The following RBMS3 variants were observed in gnomAD, a reference collection of about 807,000 sequenced individuals.
The protein encoded by RBMS3 is RNA binding motif single stranded interacting protein 3, also known as RNA-binding motif, single-stranded-interacting protein 3.
RBMS3 carries 27 observed loss-of-function variants against 66.8 expected under a neutral mutation model. The observed-to-expected ratio is 0.40, with a 90% CI of 0.30 to 0.56. RBMS3 has a LOEUF of 0.56. Among genes scored for constraint, RBMS3 ranks in the 20% least tolerant of loss-of-function variants. The pLI is 0.40. For missense variants in RBMS3, 513 were observed against 549.5 expected (o/e 0.93, Z 0.66); for synonymous variants, 188 against 183.0 (o/e 1.03, Z -0.22).
rs182153627 is a variant in RBMS3 at position 29,749,884 on chromosome 3, C to T, written c.557+10007C>T. Among the ~76,000 whole-genome samples the T allele has an allele frequency of 2.6e-5, 4 of 152,236 alleles. No homozygotes were observed. The East Asian group carries it at 7.7e-4, about 29-fold the overall frequency. On this transcript the variant is annotated intron_variant, in intron 5 of 14. Coordinates refer to ENST00000383767, the MANE Select transcript of RBMS3 (RefSeq NM_001003793.3). ...AAAAAACAAACACATTCTTATTGAA[C>T]TTATGCAAATAACTATATTGCCATA...
intron 1 of RBMS3, among the ~76,000 whole-genome samples, chr3:29,425,148 C>T (rs1482934620): frequency 6.7e-6 from 1 of 148,802 alleles, no homozygotes; most frequent in Admixed American, 6.8e-5. Context: ...TCGAGACCAT[C>T]CTGGCTAACA....
chr3:29,869,715 A>T (rs2059445190), intron 7 of RBMS3, among the ~76,000 whole-genome samples: 1 of 152,136 alleles, frequency 6.6e-6, no homozygotes, highest in African/African-American at 2.4e-5. Context: ...AGCTTCCATG[A>T]GGTCTTTTCA....
chr3:29,550,918 C>T (rs1408822455), intron 3 of RBMS3, among the ~76,000 whole-genome samples: 1 of 152,208 alleles, frequency 6.6e-6, no homozygotes, highest in East Asian at 1.9e-4. Context: ...CTAAGTATAA[C>T]TGCAATGAAG....
intron 1 of RBMS3, among the ~76,000 whole-genome samples, chr3:29,354,530 A>T (rs535023948): frequency 1.3e-5 from 2 of 152,226 alleles, no homozygotes; most frequent in East Asian, 1.9e-4. Context: ...ATAGATATAG[A>T]TATTCTTGAC....
At chr3:29,998,629 A>G (rs1243476941) in intron 14 of RBMS3, among the ~76,000 whole-genome samples, 7 of 152,138 alleles carry the variant, frequency 4.6e-5, no homozygotes, top group Non-Finnish European at 5.9e-5. Flanking sequence ...ACAACTATCT[A>G]ATCTTTGACA....
intron 5 of RBMS3, among the ~76,000 whole-genome samples, chr3:29,758,999 AT>A (rs2055544553): frequency 6.6e-6 from 1 of 152,174 alleles, no homozygotes; most frequent in African/African-American, 2.4e-5. Context: ...TACATGGTTA[AT>A]AATGCTTACT....
intron 6 of RBMS3, among the ~76,000 whole-genome samples, chr3:29,800,031 G>A (rs1365486459): frequency 3.3e-5 from 5 of 152,124 alleles, no homozygotes; most frequent in Non-Finnish European, 7.3e-5. Flanking sequence ...CATAATAGAT[G>A]TACCATGTAT....
At chr3:29,896,273 A>C (rs1250494282) in intron 8 of RBMS3, among the ~76,000 whole-genome samples, 2 of 151,400 alleles carry the variant, frequency 1.3e-5, no homozygotes, top group African/African-American at 4.8e-5. Context: ...TTTCTTAGAA[A>C]GACAACTCAT....
intron 5 of RBMS3, among the ~76,000 whole-genome samples, chr3:29,755,225 A>T (rs565750435): frequency 5.3e-4 from 80 of 152,328 alleles, no homozygotes; most frequent in Non-Finnish European, 7.8e-4. Flanking sequence ...TGGCTAAAAA[A>T]ATATACTTAG....
intron 4 of RBMS3, among the ~76,000 whole-genome samples, chr3:29,605,396 A>C (rs1464555624): frequency 6.6e-6 from 1 of 151,842 alleles, no homozygotes; most frequent in East Asian, 1.9e-4. Context: ...ATACTATGGA[A>C]ATTCCTTTGA....
chr3:29,291,831 C>G (rs946033126), intron 1 of RBMS3, among the ~76,000 whole-genome samples: 4 of 151,648 alleles, frequency 2.6e-5, no homozygotes, highest in Non-Finnish European at 5.9e-5. Context: ...CAGCTAGACC[C>G]ACTATCACTC....
intron 4 of RBMS3, among the ~76,000 whole-genome samples, chr3:29,700,914 C>T (rs190833735): frequency 3.9e-5 from 6 of 152,082 alleles, no homozygotes; most frequent in Admixed American, 2.6e-4. Context: ...TTGGACATTG[C>T]GCTTTTTAGA....
At chr3:29,608,466 T>G (rs1220246195) in intron 4 of RBMS3, among the ~76,000 whole-genome samples, 1 of 152,060 alleles carries the variant, frequency 6.6e-6, no homozygotes, top group Non-Finnish European at 1.5e-5. Context: ...ATATGCTGCT[T>G]AAAGTCAAGA....
intron 4 of RBMS3, among the ~76,000 whole-genome samples, chr3:29,655,019 T>C (rs1344402050): frequency 6.6e-6 from 1 of 152,214 alleles, no homozygotes; most frequent in African/African-American, 2.4e-5. Flanking sequence ...TCATATTGCA[T>C]TTTAACTGAT....
intron 6 of RBMS3, among the ~76,000 whole-genome samples, chr3:29,858,281 T>C (rs1188037629): frequency 1.3e-5 from 2 of 152,158 alleles, no homozygotes; most frequent in Non-Finnish European, 2.9e-5. Context: ...TGTACCTCTT[T>C]CTAATAAAAA....
intron 1 of RBMS3, among the ~76,000 whole-genome samples, chr3:29,388,781 G>A (rs573888716): frequency 6.6e-6 from 1 of 152,280 alleles, no homozygotes; most frequent in Non-Finnish European, 1.5e-5. Flanking sequence ...AGCCAGGATG[G>A]TCTCAATCTC....
Position 29,921,189 on chromosome 3 carries a change from A to G in RBMS3, c.940-14897A>G, listed in dbSNP as rs534585829. Among the ~76,000 whole-genome samples the G allele has an allele frequency of 5.3e-4, 80 of 151,884 alleles. No individual in the cohort carries two copies. In the Middle Eastern group the frequency reaches 0.021, roughly 39 times the overall value. ...GTGATTCTCCTGCCTCAGCCTCCCA[A>G]GTAGCTGGGATTACAGGCGCCCGCC... On this transcript the variant is annotated intron_variant, in intron 10 of 14. Coordinates refer to ENST00000383767, the MANE Select transcript of RBMS3 (RefSeq NM_001003793.3).
intron 12 of RBMS3, among the ~76,000 whole-genome samples, chr3:29,980,985 A>C (rs138805824): frequency 4.9e-4 from 75 of 152,248 alleles, no homozygotes; most frequent in Admixed American, 3.3e-4. Context: ...GTGGTAGCTT[A>C]ATGGGAATAG....
intron 6 of RBMS3, among the ~76,000 whole-genome samples, chr3:29,819,017 A>C (rs2057999002): frequency 6.6e-6 from 1 of 152,214 alleles, no homozygotes; most frequent in Non-Finnish European, 1.5e-5. Context: ...ATTTTAGTAA[A>C]ATTAAGAAAA....
Sources: gnomAD v4.1 joint callset for allele counts (sites outside exome capture counted in the v4.1 genomes callset) on GRCh38, gnomAD v4.1.1 for gene constraint, MANE v1.5 for transcripts, NCBI Gene and HGNC (gene_info 2026-07-23, HGNC 2026-07-21) for gene names.